ATP8B4: variants seen among roughly 807,000 people sequenced by gnomAD.
ATP8B4 encodes the protein ATPase phospholipid transporting 8B4 (putative).
ATP8B4 carries 133 observed loss-of-function variants against 145.6 expected under a neutral mutation model. The ratio of observed to expected loss-of-function variants is 0.91; its 90% confidence interval spans 0.79 to 1.05. The LOEUF (loss-of-function observed/expected upper bound fraction) is 1.05. Among genes scored for constraint, ATP8B4 ranks in the 50% least tolerant of loss-of-function variants. The pLI, the probability that ATP8B4 is intolerant of heterozygous loss-of-function variation, is 0.00. For synonymous variants in ATP8B4, 507 were observed against 492.9 expected (o/e 1.03, Z -0.38); for missense variants, 1,458 against 1,425.2 (o/e 1.02, Z -0.37).
chr15:49,880,837 G>A (rs2153406264), intron 23 of ATP8B4: 1 of 151,320 alleles, frequency 6.6e-6, no homozygotes, highest in African/African-American at 2.4e-5. Context: ...AGCCGGCCAG[G>A]TGTGGTGGCT....
At chr15:49,958,101 C>G (rs2043744044) in intron 14 of ATP8B4, among the ~76,000 whole-genome samples, 1 of 151,352 alleles carries the variant, frequency 6.6e-6, no homozygotes, top group Non-Finnish European at 1.5e-5. Flanking sequence ...GAGAAAAAAA[C>G]CCTTACCATC....
intron 1 of ATP8B4, among the ~76,000 whole-genome samples, chr15:50,179,578 A>T (rs1007873884): frequency 3.3e-5 from 5 of 152,318 alleles, no homozygotes; most frequent in Non-Finnish European, 5.9e-5. Context: ...TACAAAATTC[A>T]TATATTGAAA....
rs764649376 is a variant in ATP8B4, at chr15:49,934,218, C to T, written c.1288-36G>A. On this transcript the variant is annotated intron_variant, in intron 14 of 27. Transcript: ENST00000284509. ...ACAACAACAACAAAAATAACCAAAA[C>T]CTCATTCCAATAATTATCTTTTAAA... 17 of 1,561,496 alleles carry T rather than the reference C, an allele frequency of 1.1e-5. No individual in the cohort carries two copies. The South Asian group carries it at 2.0e-4, about 19-fold the overall frequency.
At chr15:49,975,995 A>G (rs1248181511) in intron 12 of ATP8B4, among the ~76,000 whole-genome samples, 3 of 152,180 alleles carry the variant, frequency 2.0e-5, no homozygotes, top group Non-Finnish European at 4.4e-5. Context: ...AAGTTGGGCT[A>G]GATGACACTC....
At chr15:50,020,744 C>T (rs2049488080) in intron 6 of ATP8B4, among the ~76,000 whole-genome samples, 1 of 152,162 alleles carries the variant, frequency 6.6e-6, no homozygotes, top group African/African-American at 2.4e-5. Context: ...TCTCTTCATA[C>T]CCACCCAGTA....
At chr15:50,046,765 T>C (rs952797919) in intron 4 of ATP8B4, among the ~76,000 whole-genome samples, 6 of 152,190 alleles carry the variant, frequency 3.9e-5, no homozygotes, top group Non-Finnish European at 8.8e-5. Flanking sequence ...GATTCATATG[T>C]TTTTCCTTCC....
intron 10 of ATP8B4, among the ~76,000 whole-genome samples, chr15:49,986,843 G>T (rs1463775851): frequency 6.6e-6 from 1 of 152,196 alleles, no homozygotes; most frequent in Non-Finnish European, 1.5e-5. Context: ...GGCAAGAAGA[G>T]TAAGAGGCAC....
At chr15:50,162,764 C>G (rs980318624) in intron 1 of ATP8B4, among the ~76,000 whole-genome samples, 1 of 152,198 alleles carries the variant, frequency 6.6e-6, no homozygotes, top group Admixed American at 6.5e-5. Flanking sequence ...CCTCTGCTTC[C>G]CAAAGTGCTG....
At position 49,978,188 on chromosome 15, in the gene ATP8B4, C is replaced by A. The variant is rs374788487; in HGVS notation, c.1034+1429G>T. 7.2e-5 allele frequency among the ~76,000 whole-genome samples: 11 copies of A among 152,258 alleles called. No individual in the cohort carries two copies. In the East Asian group the frequency reaches 1.2e-3, roughly 16 times the overall value. On this transcript the variant is annotated intron_variant, in intron 12 of 27. Coordinates refer to ENST00000284509, the MANE Select transcript of ATP8B4 (RefSeq NM_024837.4). The stretch of plus-strand genomic sequence containing the variant: ...AAACTGCACATGTGCAGATGGAAAG[C>A]CACTATGCACATTTATTATTCATTT...
At chr15:49,974,870 C>T (rs767087810) in intron 12 of ATP8B4, among the ~76,000 whole-genome samples, 2 of 152,252 alleles carry the variant, frequency 1.3e-5, no homozygotes, top group South Asian at 4.1e-4. Context: ...ACAAATAAAT[C>T]ATTTTACTCA....
chr15:50,144,701 A>T (rs1386356359), intron 1 of ATP8B4, among the ~76,000 whole-genome samples: 1 of 152,188 alleles, frequency 6.6e-6, no homozygotes, highest in Non-Finnish European at 1.5e-5. Context: ...CCTTCACTTC[A>T]TCATGAAAGA....
chr15:50,025,945 G>A (rs1167638906), intron 6 of ATP8B4, among the ~76,000 whole-genome samples: 2 of 152,198 alleles, frequency 1.3e-5, no homozygotes. Context: ...GTGGGAATAT[G>A]ATCAGGACAT....
At chr15:50,017,709 A>G (rs2049198091) in intron 6 of ATP8B4, among the ~76,000 whole-genome samples, 1 of 152,232 alleles carries the variant, frequency 6.6e-6, no homozygotes, top group African/African-American at 2.4e-5. Context: ...TACAAGCCAT[A>G]GCAACACAGA....
In ATP8B4 at chr15:50,112,224, C is replaced by A. The variant is rs546671281; in HGVS notation, c.-42-5216G>T. ...GGAGCCAGGGCAGTTGAGGAAGAGA[C>A]AGGAACAGTGCAGGCCAGGAAAAAG... is the stretch of plus-strand genomic sequence containing the variant. On this transcript the variant is annotated intron_variant, in intron 1 of 27. Transcript: ENST00000284509. 3.1e-4 allele frequency among the ~76,000 whole-genome samples: 47 copies of A among 152,270 alleles called. 2 individuals are homozygous for A. The South Asian group carries it at 9.1e-3, about 30-fold the overall frequency.
intron 14 of ATP8B4, among the ~76,000 whole-genome samples, chr15:49,939,193 AG>A (rs1472082374): frequency 1.3e-5 from 2 of 152,152 alleles, no homozygotes; most frequent in East Asian, 3.9e-4. Context: ...TACAAAAAAA[AG>A]AACAAGAAAA....
chr15:49,887,609 CT>C (rs2036348237), intron 23 of ATP8B4, among the ~76,000 whole-genome samples: 3 of 152,024 alleles, frequency 2.0e-5, no homozygotes, highest in Admixed American at 6.6e-5. Flanking sequence ...AGCCATGCTA[CT>C]ACAAGATGTC....
chr15:49,948,141 A>G (rs1175580915), intron 14 of ATP8B4, among the ~76,000 whole-genome samples: 2 of 152,156 alleles, frequency 1.3e-5, no homozygotes, highest in Admixed American at 6.5e-5. Flanking sequence ...TATCAAATGT[A>G]AAAGTCTCTG....
At chr15:50,046,386 A>C (rs1012479927) in intron 4 of ATP8B4, among the ~76,000 whole-genome samples, 1 of 152,198 alleles carries the variant, frequency 6.6e-6, no homozygotes, top group African/African-American at 2.4e-5. Flanking sequence ...AAGAAAGGCC[A>C]ATGTGTGAAA....
At chr15:50,057,914 T>C (rs530541732) in intron 3 of ATP8B4, among the ~76,000 whole-genome samples, 1 of 152,228 alleles carries the variant, frequency 6.6e-6, no homozygotes, top group Non-Finnish European at 1.5e-5. Context: ...CCAGGGTGTT[T>C]AGACGTATAT....
Sources: gnomAD v4.1 joint callset for allele counts (sites outside exome capture counted in the v4.1 genomes callset) on GRCh38, gnomAD v4.1.1 for gene constraint, MANE v1.5 for transcripts, NCBI Gene and HGNC (gene_info 2026-07-23, HGNC 2026-07-21) for gene names.